The following RRM2 variants were observed in gnomAD, a reference collection of about 807,000 sequenced individuals.
RRM2 encodes ribonucleoside-diphosphate reductase subunit M2.
In RRM2, 6 loss-of-function variants were observed where a neutral mutation model predicts 45.9. That is an observed-to-expected ratio of 0.13 (90% CI 0.07 to 0.26). The LOEUF is 0.26. Ranked by LOEUF, RRM2 falls within the 10% of genes least tolerant of loss-of-function variation. RRM2 has a pLI of 1.00. For missense variants in RRM2, 343 were observed against 489.5 expected (o/e 0.70, Z 2.82); for synonymous variants, 177 against 173.0 (o/e 1.02, Z -0.18).
chr2:10,158,559 C>G (rs1663484204), intron 3 of RRM2, among the ~76,000 whole-genome samples: 1 of 152,122 alleles, frequency 6.6e-6, no homozygotes, highest in African/African-American at 2.4e-5. Context: ...GATGAAGCAG[C>G]TCTGTTGGAT....
chr2:10,131,619 A>C (rs946958548), downstream of RRM2, among the ~76,000 whole-genome samples: 1 of 152,140 alleles, frequency 6.6e-6, no homozygotes, highest in Non-Finnish European at 1.5e-5. Flanking sequence ...CACGCCTGTA[A>C]TCCCAGCTAC....
rs1444696617 is a variant in RRM2, at chr2:10,195,623, G to A, written n.483-14688G>A. Among the ~76,000 whole-genome samples the A allele has an allele frequency of 6.6e-6, 1 of 152,210 alleles. No homozygotes were observed. Among genetic ancestry groups the A allele is most frequent in the Non-Finnish European group, 1.5e-5 (1 of 68,030 alleles). ...ACCAAGGGTGGGAAGCGAGGGAGAA[G>A]AGGTCGCGGTGAGCCTCGGGTGGAC... On this transcript the variant is annotated intron_variant and non_coding_transcript_variant, in intron 3 of 3. Transcript: ENST00000381786. The surrounding 1 kb of genome is among the most constrained non-coding windows in gnomAD (Gnocchi z 4.9).
chr2:10,127,267 T>C lies in RRM2; in HGVS notation c.798+47T>C. 1.3e-6 allele frequency: 2 copies of C among 1,587,854 alleles called. No individual in the cohort carries two copies. Among genetic ancestry groups the C allele is most frequent in the Non-Finnish European group, 1.7e-6 (2 of 1,165,746 alleles). Reference sequence around the variant, plus strand: ...GGGTGACCTAAACCCCAAACACAACTCGGGCATGCTCTTGTGTTCACTGAC... The same window carrying C: ...GGGTGACCTAAACCCCAAACACAACCCGGGCATGCTCTTGTGTTCACTGAC... On this transcript the variant is annotated intron_variant, in intron 7 of 9. Transcript: ENST00000304567. This position sits in a 1 kb window ranked among gnomAD's most constrained non-coding sequence, Gnocchi z 4.1.
chr2:10,207,635 G>A (rs960917414), intron 3 of RRM2, among the ~76,000 whole-genome samples: 2 of 152,018 alleles, frequency 1.3e-5, no homozygotes, highest in Admixed American at 6.5e-5. Flanking sequence ...TATAGAGTGG[G>A]TCCTTCCCTT....
At chr2:10,159,335 G>C (rs1297430385) in intron 3 of RRM2, among the ~76,000 whole-genome samples, 1 of 152,182 alleles carries the variant, frequency 6.6e-6, no homozygotes, top group African/African-American at 2.4e-5. Context: ...ACTGGTTCTC[G>C]CCCTCAGCCT....
chr2:10,127,245 T>G lies in RRM2; in HGVS notation c.798+25T>G. ...GGTGAGTCTAAGTCAAATAATAGGG[T>G]GACCTAAACCCCAAACACAACTCGG... On this transcript the variant is annotated intron_variant, in intron 7 of 9. Coordinates refer to ENST00000304567, the MANE Select transcript of RRM2 (RefSeq NM_001034.4). This position sits in a 1 kb window ranked among gnomAD's most constrained non-coding sequence, Gnocchi z 4.1. 1 of 1,605,532 alleles carries G rather than the reference T, an allele frequency of 6.2e-7. No homozygotes were observed. Among genetic ancestry groups the G allele is most frequent in the Non-Finnish European group, 8.5e-7 (1 of 1,176,470 alleles).
At chr2:10,165,246 C>T (rs559650536) in intron 3 of RRM2, among the ~76,000 whole-genome samples, 3 of 152,334 alleles carry the variant, frequency 2.0e-5, no homozygotes, top group South Asian at 2.1e-4. Context: ...CCACTGTGCC[C>T]GGCCTCTTTT....
chr2:10,150,573 G>A (rs1459975493), intron 3 of RRM2, among the ~76,000 whole-genome samples: 1 of 149,822 alleles, frequency 6.7e-6, no homozygotes, highest in African/African-American at 2.5e-5. Flanking sequence ...TATTGAATGT[G>A]TTATTAGTAA....
intron 4 of RRM2, chr2:10,124,169 G>T (rs1045609950): frequency 1.0e-5 from 3 of 286,964 alleles, no homozygotes; most frequent in African/African-American, 2.3e-5. Flanking sequence ...GCAGTGGTGT[G>T]ATCTTGGCTC....
intron 3 of RRM2, among the ~76,000 whole-genome samples, chr2:10,209,720 C>T (rs868247794): frequency 1.4e-4 from 21 of 152,124 alleles, no homozygotes; most frequent in African/African-American, 4.8e-4. Context: ...GTGCCCCACC[C>T]GTCCGTGGAG....
chr2:10,201,413 AG>A (rs1451364086), intron 3 of RRM2, among the ~76,000 whole-genome samples: 1 of 152,202 alleles, frequency 6.6e-6, no homozygotes, highest in Non-Finnish European at 1.5e-5. Context: ...AACATCAAAA[AG>A]ATCACTCCAG....
intron 3 of RRM2, among the ~76,000 whole-genome samples, chr2:10,177,666 C>T (rs1663945801): frequency 3.6e-5 from 1 of 27,978 alleles, no homozygotes; most frequent in African/African-American, 6.0e-5. Context: ...CTTTCCTTTT[C>T]CTTCCTTCCT....
intron 3 of RRM2, among the ~76,000 whole-genome samples, chr2:10,191,336 C>T (rs1270818381): frequency 6.6e-6 from 1 of 152,228 alleles, no homozygotes; most frequent in Non-Finnish European, 1.5e-5. Context: ...CTTGACCTCT[C>T]TAAACCTTGC....
chr2:10,187,568 T>A (rs1664194879), intron 3 of RRM2, among the ~76,000 whole-genome samples: 1 of 152,130 alleles, frequency 6.6e-6, no homozygotes, highest in Admixed American at 6.5e-5. Flanking sequence ...TCCAGGTCTG[T>A]GTGGGGGTCA....
chr2:10,173,868 G>A (rs1328305590), intron 3 of RRM2, among the ~76,000 whole-genome samples: 2 of 152,256 alleles, frequency 1.3e-5, no homozygotes, highest in Admixed American at 6.5e-5. Flanking sequence ...CTGCCTGGGT[G>A]GCTGGGTGGC....
At chr2:10,142,732 C>T (rs972882307) in intron 3 of RRM2, among the ~76,000 whole-genome samples, 1 of 152,166 alleles carries the variant, frequency 6.6e-6, no homozygotes, top group Non-Finnish European at 1.5e-5. Context: ...GGAATGGTCT[C>T]GGGCAGCACC....
chr2:10,128,987 G>A (rs756979536), intron 8 of RRM2, 35 bp downstream of exon 8: 2 of 1,609,326 alleles, frequency 1.2e-6, no homozygotes. Flanking sequence ...ACTCAAGCTT[G>A]CTAGAAAATG....
chr2:10,188,697 C>T (rs1162027674), intron 3 of RRM2, among the ~76,000 whole-genome samples: 2 of 152,072 alleles, frequency 1.3e-5, no homozygotes, highest in Non-Finnish European at 2.9e-5. Context: ...GACCCAGGGC[C>T]TGGGGCCTTG....
At chr2:10,123,670 T>C in intron 3 of RRM2, 66 bp from the exon 4 acceptor site, 1 of 1,380,554 alleles carries the variant, frequency 7.2e-7, no homozygotes, top group East Asian at 2.3e-5. Context: ...GTTTGAGTGC[T>C]CAGTGTGAGT....
Sources: allele counts gnomAD v4.1 joint callset (sites outside exome capture counted in the v4.1 genomes callset), GRCh38; gene constraint gnomAD v4.1.1; non-coding constraint Gnocchi (gnomAD v3.1); transcripts MANE v1.5; gene names NCBI Gene and HGNC (gene_info 2026-07-23, HGNC 2026-07-21).